Variants in NBAS observed in about 807,000 individuals in gnomAD.
NBAS encodes NBAS subunit of NRZ tethering complex.
Under a neutral mutation model 302.5 loss-of-function variants are expected in NBAS, and 219 were observed. The ratio of observed to expected loss-of-function variants is 0.72; its 90% CI spans 0.65 to 0.81. The LOEUF is 0.81. NBAS is among the 30% of genes least tolerant of loss of function. The probability of loss-of-function intolerance (pLI) is 0.00; values close to 1 mark genes in which losing one functional copy is unlikely to be tolerated. For synonymous variants in NBAS, 1,118 were observed against 1,021.6 expected, an observed-to-expected ratio of 1.09 and a Z score of -1.80; for missense variants, 2,932 against 2,841.6, an observed-to-expected ratio of 1.03 and a Z score of -0.72.
intron 9 of NBAS, among the ~76,000 whole-genome samples, chr2:15,526,252 T>C (rs1662908139): frequency 6.6e-6 from 1 of 152,190 alleles, no homozygotes; most frequent in South Asian, 2.1e-4. Flanking sequence ...TGAGTTAGGA[T>C]ATATAAAAAA....
chr2:14,786,318 T>A, the NBAS span, among the ~76,000 whole-genome samples: 4 of 152,096 alleles, frequency 2.6e-5, no homozygotes, highest in African/African-American at 9.7e-5. Context: ...TGTCTCTATT[T>A]CCTTCAGTTC....
At chr2:14,962,997 G>A in the NBAS span, among the ~76,000 whole-genome samples, 122 of 151,990 alleles carry the variant, frequency 8.0e-4, no homozygotes, top group African/African-American at 2.7e-3. Flanking sequence ...GGTCGGGAGC[G>A]GTGGCTTACA....
the NBAS span, among the ~76,000 whole-genome samples, chr2:14,906,119 A>G: frequency 6.6e-6 from 1 of 152,164 alleles, no homozygotes; most frequent in Non-Finnish European, 1.5e-5. Flanking sequence ...CAGCAGTAGT[A>G]GTAGTATTAG....
chr2:15,441,165 G>A (rs1207761202), intron 21 of NBAS, among the ~76,000 whole-genome samples: 8 of 152,150 alleles, frequency 5.3e-5, no homozygotes, highest in Non-Finnish European at 1.2e-4. Flanking sequence ...ATGCCACAAA[G>A]ATACTCATTG....
the NBAS span, among the ~76,000 whole-genome samples, chr2:15,122,646 G>A: frequency 6.6e-6 from 1 of 152,156 alleles, no homozygotes; most frequent in African/African-American, 2.4e-5. Flanking sequence ...GGAACCCAGA[G>A]GACAAAGAAA....
the NBAS span, among the ~76,000 whole-genome samples, chr2:15,003,069 G>A: frequency 6.6e-6 from 1 of 152,256 alleles, no homozygotes; most frequent in Non-Finnish European, 1.5e-5. Flanking sequence ...AGCGAGGGCT[G>A]TGAGGACTGC....
intron 21 of NBAS, among the ~76,000 whole-genome samples, chr2:15,430,892 C>T (rs1572839080): frequency 6.6e-6 from 1 of 152,080 alleles, no homozygotes; most frequent in East Asian, 1.9e-4. Context: ...CTGCAACCTC[C>T]GTCTCTCAAG....
At chr2:15,420,628 AG>A (rs1225761714) in intron 23 of NBAS, among the ~76,000 whole-genome samples, 3 of 152,194 alleles carry the variant, frequency 2.0e-5, no homozygotes, top group East Asian at 3.8e-4. Flanking sequence ...CACGCTAAGC[AG>A]GGGGGAATGT....
chr2:15,276,944 G>A lies in NBAS; in HGVS notation c.5296C>T (p.Leu1766=), dbSNP rs780407754. ...AAATCTGCACAGCCACAGTTTTCCAGAAGAGTGAAATAATACTGCAGCCTT... is the reference window on the plus strand; with the variant it reads ...AAATCTGCACAGCCACAGTTTTCCAAAAGAGTGAAATAATACTGCAGCCTT... ...HERLQYYFTL[L]ENCGCADLGN... Residue 1766 remains leucine, a synonymous_variant, in exon 43 of 52, where the codon CTG becomes TTG. Coordinates refer to ENST00000281513, the MANE Select transcript of NBAS (RefSeq NM_015909.4). The A allele has an allele frequency of 2.5e-6, 4 of 1,614,084 alleles. No individual in the cohort carries two copies. The South Asian group carries it at 4.4e-5, about 18-fold the overall frequency.
chr2:15,095,147 G>A, the NBAS span, among the ~76,000 whole-genome samples: 2 of 152,094 alleles, frequency 1.3e-5, no homozygotes, highest in South Asian at 4.1e-4. Flanking sequence ...ATTAAAGAAC[G>A]GCCATTGCAT....
the NBAS span, among the ~76,000 whole-genome samples, chr2:15,023,469 A>T: frequency 6.6e-6 from 1 of 152,022 alleles, no homozygotes; most frequent in African/African-American, 2.4e-5. Context: ...GGGACAAAGT[A>T]TATATTTGGT....
rs990493345 is a variant in NBAS, at chr2:15,252,466, C to G, written c.5725-13780G>C. On this transcript the variant is annotated intron_variant, in intron 44 of 51. Transcript: ENST00000281513. ...TGAGCTGAGATCGCGCCATTGCACA[C>G]CAGCCTGGGCAACAAGAGCGAAACT... 2.0e-5 allele frequency among the ~76,000 whole-genome samples: 3 copies of G among 151,634 alleles called. 1 individual carries two copies. Among genetic ancestry groups the G allele is most frequent in the African/African-American group, 7.3e-5 (3 of 41,240 alleles).
intron 48 of NBAS, among the ~76,000 whole-genome samples, chr2:15,216,374 C>T (rs909623209): frequency 2.0e-5 from 3 of 151,980 alleles, no homozygotes; most frequent in African/African-American, 7.2e-5. Context: ...GAGAGATTTC[C>T]TAGGGGGCCG....
intron 42 of NBAS, among the ~76,000 whole-genome samples, chr2:15,279,527 C>T (rs1038129947): frequency 1.2e-4 from 18 of 152,208 alleles, no homozygotes; most frequent in Admixed American, 7.2e-4. Context: ...TCAAGACAGA[C>T]TCATCTACAA....
the NBAS span, among the ~76,000 whole-genome samples, chr2:14,861,238 C>T: frequency 6.6e-6 from 1 of 152,186 alleles, no homozygotes; most frequent in Non-Finnish European, 1.5e-5. Flanking sequence ...CAGATAACGA[C>T]ATTATTCATT....
intron 21 of NBAS, among the ~76,000 whole-genome samples, chr2:15,437,204 C>G (rs1393089002): frequency 2.0e-5 from 3 of 152,180 alleles, no homozygotes; most frequent in Middle Eastern, 3.4e-3. Flanking sequence ...TGGAATTTAG[C>G]TGGGCATGAT....
chr2:15,313,609 G>T (rs1671375623), intron 38 of NBAS, among the ~76,000 whole-genome samples: 1 of 152,224 alleles, frequency 6.6e-6, no homozygotes, highest in African/African-American at 2.4e-5. Flanking sequence ...CCTAGAAGTG[G>T]AGCTACTGGG....
intron 25 of NBAS, among the ~76,000 whole-genome samples, chr2:15,410,867 C>T (rs1188623089): frequency 6.6e-6 from 1 of 152,098 alleles, no homozygotes; most frequent in African/African-American, 2.4e-5. Flanking sequence ...CAAAGGTTGT[C>T]CAAGACTTCA....
At chr2:15,388,354 GT>G (rs1675415567) in intron 28 of NBAS, among the ~76,000 whole-genome samples, 1 of 151,124 alleles carries the variant, frequency 6.6e-6, no homozygotes, top group South Asian at 2.1e-4. Flanking sequence ...CCCTTATAAT[GT>G]TTTCCACTTC....
Sources: gnomAD v4.1 joint callset for allele counts (sites outside exome capture counted in the v4.1 genomes callset) on GRCh38, gnomAD v4.1.1 for gene constraint, MANE v1.5 for transcripts, NCBI Gene and HGNC (gene_info 2026-07-23, HGNC 2026-07-21) for gene names.